The following PDE1C variants were observed in gnomAD, a reference collection of about 807,000 sequenced individuals.
The protein encoded by PDE1C is dual specificity calcium/calmodulin-dependent 3',5'-cyclic nucleotide phosphodiesterase 1C.
In PDE1C, 62 loss-of-function variants were observed where a neutral mutation model predicts 93.1. The ratio of observed to expected loss-of-function variants is 0.67; its 90% CI spans 0.54 to 0.82. The LOEUF (loss-of-function observed/expected upper bound fraction) is 0.82. Among genes scored for constraint, PDE1C ranks in the 40% least tolerant of loss-of-function variants. The pLI is 0.00. For missense variants in PDE1C, 742 were observed against 884.6 expected, an observed-to-expected ratio of 0.84 and a Z score of 2.04; for synonymous variants, 325 against 310.1, an observed-to-expected ratio of 1.05 and a Z score of -0.50.
the PDE1C span, among the ~76,000 whole-genome samples, chr7:31,644,455 T>C: frequency 6.6e-6 from 1 of 152,202 alleles, no homozygotes; most frequent in Admixed American, 6.5e-5. Context: ...TGGAAATCTC[T>C]AGGTAATGTT....
Position 32,076,916 on chromosome 7 carries a change from C to T in PDE1C, c.308+92869G>A, listed in dbSNP as rs551868734. ...ATGCCAACTAATAATACAATTATTC[C>T]TTATAGGAATGTTGTAAGGAGAAAA... On this transcript the variant is annotated intron_variant, in intron 3 of 18. Coordinates refer to the PDE1C transcript ENST00000396193. 6.7e-5 allele frequency among the ~76,000 whole-genome samples: 10 copies of T among 149,836 alleles called. No homozygotes were observed. In the East Asian group the frequency reaches 1.2e-3, roughly 18 times the overall value.
At chr7:32,005,555 C>CAAAAAAAAAAAAAAAAA (rs59246166) in intron 2 of PDE1C, among the ~76,000 whole-genome samples, 3 of 50,720 alleles carry the variant, frequency 5.9e-5, no homozygotes, top group Non-Finnish European at 1.1e-4. Flanking sequence ...GACTCCATTT[C>CAAAAAAAAAAAAAAAAA]AAAAAAAAAA....
At chr7:32,165,570 T>C (rs1160654344) in intron 3 of PDE1C, among the ~76,000 whole-genome samples, 1 of 151,662 alleles carries the variant, frequency 6.6e-6, no homozygotes, top group African/African-American at 2.4e-5. Context: ...AAGAGAAGAG[T>C]AAGCAGGGGA....
downstream of PDE1C, among the ~76,000 whole-genome samples, chr7:31,748,947 A>G (rs1256852593): frequency 6.6e-6 from 1 of 152,248 alleles, no homozygotes; most frequent in Non-Finnish European, 1.5e-5. Flanking sequence ...AACAAACTGA[A>G]AGCTTGCTGA....
chr7:31,997,848 C>T (rs575322169), intron 2 of PDE1C, among the ~76,000 whole-genome samples: 13 of 152,166 alleles, frequency 8.5e-5, no homozygotes, highest in South Asian at 4.1e-4. Context: ...GCTTAGACAA[C>T]GATGAATTGG....
At chr7:32,394,526 G>A (rs1024440953) in intron 1 of PDE1C, among the ~76,000 whole-genome samples, 4 of 152,216 alleles carry the variant, frequency 2.6e-5, no homozygotes, top group Non-Finnish European at 4.4e-5. Context: ...AAAGAGTCTG[G>A]GTTGGGCACA....
chr7:31,772,673 C>G (rs1387395077), intron 17 of PDE1C, among the ~76,000 whole-genome samples: 3 of 152,224 alleles, frequency 2.0e-5, no homozygotes, highest in Non-Finnish European at 4.4e-5. Context: ...GAATTCACAG[C>G]AAATGTTTTC....
chr7:32,098,026 C>G (rs377763763), intron 3 of PDE1C, among the ~76,000 whole-genome samples: 1 of 148,564 alleles, frequency 6.7e-6, no homozygotes, highest in South Asian at 2.1e-4. Context: ...GTCAGGAGAT[C>G]GAGACCATCC....
chr7:32,081,619 T>A (rs1796666439), intron 3 of PDE1C, among the ~76,000 whole-genome samples: 1 of 152,236 alleles, frequency 6.6e-6, no homozygotes, highest in Non-Finnish European at 1.5e-5. Context: ...TGCTATTACC[T>A]GGGACTTTTG....
intron 2 of PDE1C, among the ~76,000 whole-genome samples, chr7:32,017,463 A>G (rs1334648714): frequency 6.6e-6 from 1 of 152,208 alleles, no homozygotes; most frequent in Non-Finnish European, 1.5e-5. Flanking sequence ...ATATGACACC[A>G]AAAGCACAAG....
intron 16 of PDE1C, among the ~76,000 whole-genome samples, chr7:31,798,940 T>A (rs116542626): frequency 8.8e-4 from 134 of 151,850 alleles, no homozygotes; most frequent in African/African-American, 3.1e-3. Context: ...TTCTTTATTC[T>A]GGCATATAAA....
At chr7:31,795,391 G>C (rs1785162118) in intron 16 of PDE1C, among the ~76,000 whole-genome samples, 2 of 151,838 alleles carry the variant, frequency 1.3e-5, no homozygotes, top group East Asian at 3.9e-4. Context: ...TTACTAAGAA[G>C]CTTTATTTTA....
rs116139060 is a variant in PDE1C at position 32,049,955 on chromosome 7, T to C, written c.128+1599A>G. ...TTAAGTGTACTTACACAAACCTAGA[T>C]GGTATAGCCTACTACATGCCTAGGC... is the stretch of plus-strand genomic sequence containing the variant. On this transcript the variant is annotated intron_variant, in intron 2 of 17. Transcript: ENST00000396191. Among the ~76,000 whole-genome samples, 673 of 152,308 alleles carry C rather than the reference T, an allele frequency of 4.4e-3. 7 individuals are homozygous for C. The highest frequency in any genetic ancestry group is 0.015 in the African/African-American group (622 of 41,562).
intron 2 of PDE1C, among the ~76,000 whole-genome samples, chr7:31,892,408 G>A (rs75934521): frequency 0.013 from 2,018 of 152,202 alleles, 59 homozygotes; most frequent in East Asian, 0.12. Context: ...ACACTAAAAC[G>A]GTGAGAGAAA....
chr7:32,078,252 C>T (rs137858528), intron 3 of PDE1C, among the ~76,000 whole-genome samples: 115 of 152,292 alleles, frequency 7.6e-4, no homozygotes, highest in African/African-American at 2.5e-3. Flanking sequence ...CAATCACATG[C>T]AGTCACCACA....
chr7:31,625,115 G>A, the PDE1C span, among the ~76,000 whole-genome samples: 81,404 of 151,614 alleles, frequency 0.54, 22,328 homozygotes, highest in East Asian at 0.83. Context: ...TTAAGAAGTC[G>A]GGAAACAACA....
chr7:32,090,755 A>G (rs1019780039), intron 3 of PDE1C, among the ~76,000 whole-genome samples: 3 of 152,128 alleles, frequency 2.0e-5, no homozygotes. Flanking sequence ...AGGTTATACT[A>G]TGATTTGCAT....
the PDE1C span, among the ~76,000 whole-genome samples, chr7:31,676,763 T>C: frequency 4.6e-5 from 7 of 152,106 alleles, no homozygotes; most frequent in Non-Finnish European, 1.0e-4. Context: ...ACAAAAATTG[T>C]TTCTATGAAT....
At chr7:32,238,190 C>T (rs966349483) in intron 1 of PDE1C, among the ~76,000 whole-genome samples, 7 of 152,112 alleles carry the variant, frequency 4.6e-5, no homozygotes, top group Non-Finnish European at 1.0e-4. Flanking sequence ...ATATTGTGTT[C>T]CTTTACACCA....
Sources: gnomAD v4.1 joint callset for allele counts (sites outside exome capture counted in the v4.1 genomes callset) on GRCh38, gnomAD v4.1.1 for gene constraint, MANE v1.5 for transcripts, NCBI Gene and HGNC (gene_info 2026-07-23, HGNC 2026-07-21) for gene names.